Variants in SPOCK1 observed in about 807,000 individuals in gnomAD.
The protein encoded by SPOCK1 is SPARC (osteonectin), cwcv and kazal like domains proteoglycan 1.
Under a neutral mutation model 55.3 loss-of-function variants are expected in SPOCK1, and 23 were observed. The observed-to-expected ratio is 0.42, with a 90% CI of 0.30 to 0.59. The LOEUF (loss-of-function observed/expected upper bound fraction) is 0.59, where lower values mean the gene tolerates loss of function less well. Ranked by LOEUF, SPOCK1 falls within the 20% of genes least tolerant of loss-of-function variation. The pLI is 0.22. For missense variants in SPOCK1, 499 were observed against 552.5 expected (o/e 0.90, Z 0.97); for synonymous variants, 226 against 221.0 (o/e 1.02, Z -0.20).
chr5:137,422,984 T>C (rs889280079), intron 2 of SPOCK1, among the ~76,000 whole-genome samples: 5 of 152,206 alleles, frequency 3.3e-5, no homozygotes, highest in African/African-American at 1.2e-4. Context: ...CCTTTCTGTT[T>C]GTTAGTTTTC....
chr5:137,253,968 T>A (rs1756588615), intron 3 of SPOCK1, among the ~76,000 whole-genome samples: 1 of 152,228 alleles, frequency 6.6e-6, no homozygotes, highest in South Asian at 2.1e-4. Flanking sequence ...AAACCATTTC[T>A]GGGTGAAGGA....
At chr5:137,166,352 C>G (rs1754647574) in intron 3 of SPOCK1, among the ~76,000 whole-genome samples, 1 of 151,852 alleles carries the variant, frequency 6.6e-6, no homozygotes, top group East Asian at 1.9e-4. Flanking sequence ...GAAATAAAGA[C>G]ATTCCCAGAC....
At position 137,041,196 on chromosome 5, in the gene SPOCK1, A is replaced by C. The variant is rs377442560; in HGVS notation, c.589+26519T>G. Reference sequence around the variant, plus strand: ...AGAAGAGAGGAATGAGATATAGCCAACTGATTTTTTTTAAAGGCACAAAAG... The same window carrying C: ...AGAAGAGAGGAATGAGATATAGCCACCTGATTTTTTTTAAAGGCACAAAAG... On this transcript the variant is annotated intron_variant, in intron 6 of 10. Coordinates refer to ENST00000394945, the MANE Select transcript of SPOCK1 (RefSeq NM_004598.4). 3.9e-5 allele frequency among the ~76,000 whole-genome samples: 6 copies of C among 152,344 alleles called. No homozygotes were observed. In the South Asian group the frequency reaches 1.2e-3, roughly 32 times the overall value.
intron 5 of SPOCK1, among the ~76,000 whole-genome samples, chr5:137,092,870 G>A (rs1470895259): frequency 6.6e-6 from 1 of 152,208 alleles, no homozygotes; most frequent in Non-Finnish European, 1.5e-5. Flanking sequence ...CGGAGGCTGA[G>A]AAGTCCTGGG....
chr5:137,446,642 T>C (rs1212985270), intron 2 of SPOCK1, among the ~76,000 whole-genome samples: 1 of 152,192 alleles, frequency 6.6e-6, no homozygotes, highest in Admixed American at 6.5e-5. Context: ...AGAAACGCGA[T>C]GATTCTTTTT....
At chr5:137,187,614 T>G (rs1307002506) in intron 3 of SPOCK1, among the ~76,000 whole-genome samples, 1 of 152,148 alleles carries the variant, frequency 6.6e-6, no homozygotes, top group Non-Finnish European at 1.5e-5. Context: ...CATACATGTA[T>G]GGAGTACCCA....
intron 6 of SPOCK1, among the ~76,000 whole-genome samples, chr5:137,015,875 G>T (rs934284162): frequency 6.6e-6 from 1 of 152,120 alleles, no homozygotes; most frequent in Non-Finnish European, 1.5e-5. Flanking sequence ...ATTTTAAAAG[G>T]CTCTAGCACC....
At chr5:137,461,873 C>T (rs1043729257) in intron 2 of SPOCK1, among the ~76,000 whole-genome samples, 1 of 152,204 alleles carries the variant, frequency 6.6e-6, no homozygotes, top group Non-Finnish European at 1.5e-5. Flanking sequence ...CATTTGATTA[C>T]TCACAAAGCA....
At chr5:137,093,290 G>T (rs917373511) in intron 5 of SPOCK1, among the ~76,000 whole-genome samples, 3 of 152,138 alleles carry the variant, frequency 2.0e-5, no homozygotes, top group Non-Finnish European at 4.4e-5. Context: ...ATCCTCACTG[G>T]GGGCTGAAGA....
intron 3 of SPOCK1, among the ~76,000 whole-genome samples, chr5:137,201,412 T>C (rs891399372): frequency 2.0e-5 from 3 of 152,182 alleles, no homozygotes; most frequent in African/African-American, 7.2e-5. Flanking sequence ...TTAATTCTAG[T>C]GGGGGAGAAG....
At chr5:137,168,669 T>C (rs368616448) in intron 3 of SPOCK1, among the ~76,000 whole-genome samples, 2 of 152,230 alleles carry the variant, frequency 1.3e-5, no homozygotes, top group East Asian at 1.9e-4. Context: ...CACCTCACTC[T>C]AGTTAAGATG....
intron 6 of SPOCK1, among the ~76,000 whole-genome samples, chr5:137,056,600 T>A (rs1169148183): frequency 6.6e-6 from 1 of 152,028 alleles, no homozygotes; most frequent in Non-Finnish European, 1.5e-5. Flanking sequence ...ACTTTTATTT[T>A]TTTTTTTAAC....
At chr5:137,227,286 T>C (rs1443278063) in intron 3 of SPOCK1, among the ~76,000 whole-genome samples, 1 of 152,188 alleles carries the variant, frequency 6.6e-6, no homozygotes, top group Non-Finnish European at 1.5e-5. Flanking sequence ...TCAACATCTA[T>C]TGTAGAAAGC....
At chr5:137,232,482 G>C (rs1209482977) in intron 3 of SPOCK1, among the ~76,000 whole-genome samples, 3 of 152,200 alleles carry the variant, frequency 2.0e-5, no homozygotes, top group Admixed American at 1.3e-4. Context: ...TCAAAAAGCA[G>C]TTGAGTATAT....
intron 4 of SPOCK1, among the ~76,000 whole-genome samples, chr5:137,135,084 A>G (rs1023090989): frequency 3.3e-5 from 5 of 152,218 alleles, no homozygotes; most frequent in Non-Finnish European, 1.5e-5. Context: ...TTAAAAACAG[A>G]TTAGTTCCCA....
chr5:137,076,607 T>TAAAAAAAAAAAAAAAAAAAAAA (rs35285273), intron 5 of SPOCK1, among the ~76,000 whole-genome samples: 1 of 112,670 alleles, frequency 8.9e-6, no homozygotes, highest in Non-Finnish European at 1.9e-5. Context: ...GGACTGAAAG[T>TAAAAAAAAAAAAAAAAAAAAAA]AAAAAAAAAA....
chr5:137,010,140 T>C (rs368557199), intron 6 of SPOCK1, among the ~76,000 whole-genome samples: 2 of 152,140 alleles, frequency 1.3e-5, no homozygotes, highest in Non-Finnish European at 2.9e-5. Flanking sequence ...TCTTTTGGAC[T>C]CTGAGGTCAG....
chr5:136,998,859 C>G lies in SPOCK1; in HGVS notation c.590-6259G>C, dbSNP rs1242786746. Among the ~76,000 whole-genome samples, 3 of 152,332 alleles carry G rather than the reference C, an allele frequency of 2.0e-5. No individual in the cohort carries two copies. In the East Asian group the frequency reaches 5.8e-4, roughly 29 times the overall value. On this transcript the variant is annotated intron_variant, in intron 6 of 10. Transcript: ENST00000394945. ...ATGTGGAAAAAGACAGCTCTCTCCC[C>G]CAGGAAAGCACAGCACTCAGGCAGA...
chr5:137,013,351 T>C (rs995393266), intron 6 of SPOCK1, among the ~76,000 whole-genome samples: 9 of 152,214 alleles, frequency 5.9e-5, no homozygotes, highest in African/African-American at 2.2e-4. Flanking sequence ...CTTGAGTTTG[T>C]GGATATTTCC....
Sources: allele counts gnomAD v4.1 joint callset (sites outside exome capture counted in the v4.1 genomes callset), GRCh38; gene constraint gnomAD v4.1.1; transcripts MANE v1.5; gene names NCBI Gene and HGNC (gene_info 2026-07-23, HGNC 2026-07-21).